PPFIA2: variants seen among roughly 807,000 people sequenced by gnomAD.
PPFIA2 encodes liprin-alpha-2.
PPFIA2 carries 46 observed loss-of-function variants against 175.5 expected under a neutral mutation model. The observed-to-expected ratio is 0.26, with a 90% CI of 0.21 to 0.34. The LOEUF (loss-of-function observed/expected upper bound fraction) is 0.34. Among genes scored for constraint, PPFIA2 ranks in the 10% least tolerant of loss-of-function variants. PPFIA2 has a pLI of 1.00. For synonymous variants in PPFIA2, 568 were observed against 511.4 expected, an observed-to-expected ratio of 1.11 and a Z score of -1.49; for missense variants, 1,179 against 1,506.1, an observed-to-expected ratio of 0.78 and a Z score of 3.60.
At chr12:81,472,751 AC>A (rs1032431257) in intron 4 of PPFIA2, 1 of 149,728 alleles carries the variant, frequency 6.7e-6, no homozygotes, top group Admixed American at 6.7e-5. Context: ...CAGCAAAAAA[AC>A]AAAACAAAAC....
intron 4 of PPFIA2, among the ~76,000 whole-genome samples, chr12:81,575,891 T>A (rs2073439167): frequency 6.6e-6 from 1 of 151,776 alleles, no homozygotes; most frequent in African/African-American, 2.4e-5. Context: ...AGGTCCATAC[T>A]CCTTCTCTTT....
At chr12:81,301,966 T>TA (rs1365254632) in intron 22 of PPFIA2, among the ~76,000 whole-genome samples, 1 of 152,162 alleles carries the variant, frequency 6.6e-6, no homozygotes, top group African/African-American at 2.4e-5. Context: ...CATCTGCCAA[T>TA]AAAATGTAAG....
chr12:81,365,654 G>A (rs2032969908), intron 14 of PPFIA2, among the ~76,000 whole-genome samples: 1 of 151,584 alleles, frequency 6.6e-6, no homozygotes, highest in Non-Finnish European at 1.5e-5. Context: ...TTGTGCCGTT[G>A]CAGAGGATTC....
chr12:81,268,031 G>T lies in PPFIA2; in HGVS notation c.3367C>A (p.Arg1123=). The change falls in exon 29 of 33, where the codon CGA becomes AGA. Residue 1123 remains arginine (R), a synonymous_variant. Transcript: ENST00000549396. ...TCAAGTATATTATTTGCATATTCTC[G>T]AAGTCCAATTGCTTGTATCCAGCGA... ...VIRWIQAIGL[R]EYANNILESG... The T allele has an allele frequency of 6.3e-7, 1 of 1,595,728 alleles. No homozygotes were observed. The highest frequency in any genetic ancestry group is 8.5e-7 in the Non-Finnish European group (1 of 1,170,312).
At chr12:81,522,783 C>T (rs1209567991) in intron 4 of PPFIA2, among the ~76,000 whole-genome samples, 1 of 152,114 alleles carries the variant, frequency 6.6e-6, no homozygotes, top group East Asian at 1.9e-4. Flanking sequence ...CTTGCTTTGA[C>T]TGCAAAAACT....
At chr12:81,633,631 A>G (rs2063649267) in intron 4 of PPFIA2, among the ~76,000 whole-genome samples, 1 of 152,028 alleles carries the variant, frequency 6.6e-6, no homozygotes. Flanking sequence ...AAAGTTAGAT[A>G]TAGGAATAGA....
intron 4 of PPFIA2, among the ~76,000 whole-genome samples, chr12:81,578,138 TA>T (rs1031117968): frequency 6.6e-6 from 1 of 151,746 alleles, no homozygotes; most frequent in African/African-American, 2.4e-5. Context: ...TAAGTGTCTT[TA>T]AGCATGGTAG....
At position 81,386,322 on chromosome 12, in the gene PPFIA2, AG is replaced by A. The variant is rs1450880163; in HGVS notation, c.763-2079del. Reference sequence around the variant, plus strand: ...AAATAAATAAATAAATAAATAAATAAGAAAAGAAAAGAAAGTATGGGCTGTA... The same window carrying A: ...AAATAAATAAATAAATAAATAAATAAAAAAGAAAAGAAAGTATGGGCTGTA... On this transcript the variant is annotated intron_variant, in intron 8 of 32. Transcript: ENST00000549396. Among the ~76,000 whole-genome samples, 46 of 149,020 alleles carry A rather than the reference AG, an allele frequency of 3.1e-4. 1 individual carries two copies. The highest frequency in any genetic ancestry group is 1.1e-3 in the African/African-American group (45 of 40,172).
At chr12:81,359,694 T>G in intron 15 of PPFIA2, among the ~76,000 whole-genome samples, 1 of 151,926 alleles carries the variant, frequency 6.6e-6, no homozygotes, top group Admixed American at 6.6e-5. Context: ...TTCCTGTGGC[T>G]GCTTACCTTA....
intron 4 of PPFIA2, among the ~76,000 whole-genome samples, chr12:81,665,042 T>TG (rs910956856): frequency 1.4e-5 from 2 of 138,878 alleles, no homozygotes; most frequent in Non-Finnish European, 3.1e-5. Context: ...TGTTGTCGGG[T>TG]GGGGGCAGGG....
intron 3 of PPFIA2, among the ~76,000 whole-genome samples, chr12:81,695,066 T>C (rs1204236074): frequency 6.6e-6 from 1 of 152,166 alleles, no homozygotes; most frequent in Non-Finnish European, 1.5e-5. Flanking sequence ...TAATTTGTTT[T>C]TTATTTTTCA....
intron 22 of PPFIA2, among the ~76,000 whole-genome samples, chr12:81,302,368 A>G (rs1172981082): frequency 6.6e-6 from 1 of 152,162 alleles, no homozygotes; most frequent in African/African-American, 2.4e-5. Context: ...GTGCTCAAAT[A>G]GTTCTGTTCT....
intron 22 of PPFIA2, among the ~76,000 whole-genome samples, chr12:81,301,384 A>T (rs1434634593): frequency 6.6e-6 from 1 of 152,214 alleles, no homozygotes; most frequent in Non-Finnish European, 1.5e-5. Flanking sequence ...GTAAAAAAGC[A>T]AGTAAATATG....
rs114437710 is a variant in PPFIA2, at chr12:81,365,419, T to A, written c.1545+1689A>T. Among the ~76,000 whole-genome samples the A allele has an allele frequency of 3.7e-3, 561 of 151,954 alleles. 3 individuals are homozygous for A. The highest frequency in any genetic ancestry group is 0.013 in the African/African-American group (532 of 41,518). The stretch of plus-strand genomic sequence containing the variant: ...AGGATGCAAAGCATGGCATGATTAG[T>A]ACTCTTGGTTGCTTAGGCAGATTGT... On this transcript the variant is annotated intron_variant, in intron 14 of 32. Transcript: ENST00000549396.
At chr12:81,356,996 G>A (rs1001532882) in intron 16 of PPFIA2, among the ~76,000 whole-genome samples, 5 of 152,138 alleles carry the variant, frequency 3.3e-5, no homozygotes, top group East Asian at 1.9e-4. Flanking sequence ...TGTATGAGGA[G>A]GCTGAGCATA....
intron 30 of PPFIA2, among the ~76,000 whole-genome samples, chr12:81,265,070 A>G (rs931782042): frequency 6.6e-6 from 1 of 151,004 alleles, no homozygotes; most frequent in Non-Finnish European, 1.5e-5. Context: ...AGGTGGGCGG[A>G]TCACCTGAGG....
chr12:81,567,232 G>A (rs572379791), intron 4 of PPFIA2, among the ~76,000 whole-genome samples: 49 of 152,228 alleles, frequency 3.2e-4, no homozygotes, highest in Non-Finnish European at 4.6e-4. Context: ...TGTATTTTTA[G>A]TAGAGATGGG....
intron 4 of PPFIA2, among the ~76,000 whole-genome samples, chr12:81,527,907 C>A (rs1160246830): frequency 6.6e-6 from 1 of 152,064 alleles, no homozygotes; most frequent in Non-Finnish European, 1.5e-5. Context: ...AATCTGCTGA[C>A]ACTTTGATCT....
intron 7 of PPFIA2, among the ~76,000 whole-genome samples, chr12:81,427,071 T>G (rs920887796): frequency 6.6e-6 from 1 of 152,132 alleles, no homozygotes; most frequent in Non-Finnish European, 1.5e-5. Context: ...GATTTACACA[T>G]TTTATGTCTC....
Sources: allele counts gnomAD v4.1 joint callset (sites outside exome capture counted in the v4.1 genomes callset), GRCh38; gene constraint gnomAD v4.1.1; transcripts MANE v1.5; gene names NCBI Gene and HGNC (gene_info 2026-07-23, HGNC 2026-07-21).